The following ODAD2 variants were observed in gnomAD, a reference collection of about 807,000 sequenced individuals.
The protein encoded by ODAD2 is outer dynein arm-docking complex subunit 2.
ODAD2 carries 89 observed loss-of-function variants against 106.8 expected under a neutral mutation model. The ratio of observed to expected loss-of-function variants is 0.83; its 90% CI spans 0.70 to 0.99. The LOEUF (loss-of-function observed/expected upper bound fraction) is 0.99, where lower values mean the gene tolerates loss of function less well. ODAD2 is among the 50% of genes least tolerant of loss of function. ODAD2 has a pLI of 0.00. For missense variants in ODAD2, 1,168 were observed against 1,238.5 expected, an observed-to-expected ratio of 0.94 and a Z score of 0.85; for synonymous variants, 404 against 436.2, an observed-to-expected ratio of 0.93 and a Z score of 0.92.
At chr10:27,977,285 C>T (rs867622641) in intron 7 of ODAD2, among the ~76,000 whole-genome samples, 9 of 151,982 alleles carry the variant, frequency 5.9e-5, no homozygotes, top group South Asian at 2.1e-4. Context: ...CAAGACTCGG[C>T]CGGGCACGGT....
chr10:27,839,328 C>A (rs1433921243), intron 19 of ODAD2, among the ~76,000 whole-genome samples: 1 of 152,160 alleles, frequency 6.6e-6, no homozygotes, highest in Non-Finnish European at 1.5e-5. Context: ...CTTCACTCAA[C>A]TCAGGAAAGA....
chr10:27,927,209 G>C (rs921973963), intron 16 of ODAD2, among the ~76,000 whole-genome samples: 6 of 152,068 alleles, frequency 3.9e-5, no homozygotes, highest in Admixed American at 1.3e-4. Context: ...AACATATAAA[G>C]GAAGAGAGGT....
At chr10:27,912,466 T>A (rs193050414) in intron 16 of ODAD2, among the ~76,000 whole-genome samples, 39 of 152,266 alleles carry the variant, frequency 2.6e-4, no homozygotes, top group African/African-American at 8.2e-4. Flanking sequence ...AGGCTCTTGT[T>A]ATGTTAACAT....
intron 9 of ODAD2, among the ~76,000 whole-genome samples, chr10:27,966,028 C>G (rs1848466511): frequency 6.6e-6 from 1 of 152,146 alleles, no homozygotes; most frequent in South Asian, 2.1e-4. Flanking sequence ...CTGTTCTATT[C>G]CATTTTGGAG....
chr10:27,863,709 C>T (rs1172217574), intron 17 of ODAD2, among the ~76,000 whole-genome samples: 1 of 152,138 alleles, frequency 6.6e-6, no homozygotes, highest in Non-Finnish European at 1.5e-5. Context: ...TATAAAGGTT[C>T]AAGGGCTGAC....
At chr10:27,923,183 G>A (rs930271225) in intron 16 of ODAD2, among the ~76,000 whole-genome samples, 1 of 152,098 alleles carries the variant, frequency 6.6e-6, no homozygotes, top group South Asian at 2.1e-4. Context: ...ATGTGAATGC[G>A]TTTAACTCAT....
intron 17 of ODAD2, among the ~76,000 whole-genome samples, chr10:27,906,501 C>A (rs1346816694): frequency 6.6e-6 from 1 of 152,126 alleles, no homozygotes; most frequent in East Asian, 1.9e-4. Flanking sequence ...CCTGCCAATC[C>A]CATTATTGGG....
chr10:27,885,606 A>AT (rs1200797448), intron 17 of ODAD2, among the ~76,000 whole-genome samples: 2 of 71,854 alleles, frequency 2.8e-5, no homozygotes, highest in East Asian at 6.8e-4. Context: ...ATATATATAA[A>AT]ATATATATAA....
intron 7 of ODAD2, among the ~76,000 whole-genome samples, chr10:27,981,157 G>T (rs1849515868): frequency 6.6e-6 from 1 of 152,080 alleles, no homozygotes; most frequent in Non-Finnish European, 1.5e-5. Flanking sequence ...AGTTAACCAG[G>T]AAGTCAGGGA....
chr10:27,998,864 CGCGCCCTGCGGCCGCGCACGCCG>C (rs1343612381), intron 1 of ODAD2, 107 bp downstream of exon 1: 1 of 152,648 alleles, frequency 6.6e-6, no homozygotes, highest in Non-Finnish European at 1.5e-5. Flanking sequence ...GTCAACACTG[CGCGCCCTGCGGCCGCGCACGCCG>C]GCGCCCTTGT....
At chr10:27,878,709 T>C (rs962428756) in intron 17 of ODAD2, among the ~76,000 whole-genome samples, 2 of 152,108 alleles carry the variant, frequency 1.3e-5, no homozygotes, top group African/African-American at 2.4e-5. Context: ...AACGGGCAAA[T>C]CTTGTCGTCA....
rs61729354 is a variant in ODAD2 at position 27,984,254 on chromosome 10, A to T, written c.612T>A (p.Asp204Glu). 2,019 of 1,613,588 alleles carry T rather than the reference A, an allele frequency of 1.3e-3. 18 individuals are homozygous for T. In the African/African-American group the frequency reaches 0.02, roughly 16 times the overall value. The change falls in exon 5 of 20, where the codon GAT (aspartate) becomes GAA (glutamate). Residue 204 changes from aspartate to glutamate, a missense_variant. Asp to Glu is a conservative substitution (Grantham distance 45). Around this residue, in one of 3 missense-constraint regions of ODAD2, gnomAD observed 430 missense variants for 452.2 expected, o/e 0.95. Coordinates refer to ENST00000305242, the MANE Select transcript of ODAD2 (RefSeq NM_018076.5). ...CTGAGAAACGTTTGAGCAGTTCTAT[A>T]TCCTTCTTCACCGTCATGGGACTTA... is the stretch of plus-strand genomic sequence containing the variant. The part of the protein sequence containing the change: ...ISLSPMTVKK[D>E]IELLKRFSGK...
In ODAD2 at chr10:27,939,974, T is replaced by G. The variant is rs745483471; in HGVS notation, c.2020A>C (p.Ile674Leu). 6.2e-7 allele frequency: 1 copy of G among 1,611,034 alleles called. No individual in the cohort carries two copies. The change falls in exon 14 of 20, where the codon ATC becomes CTC. Residue 674 changes from isoleucine (I) to leucine (L), a missense_variant. Ile to Leu is a conservative substitution (Grantham distance 5). Transcript: ENST00000305242. ...AGGTTCTTGACAAGGTTTTCAATGA[T>G]CCTTTCTGCTTTGATTGCAGCCCGG... ...NYRAAIKAER[I>L]IENLVKNLNS...
In ODAD2 at chr10:27,885,555, TAAATATAA is replaced by T. The variant is rs1191571485; in HGVS notation, c.2610+22100_2610+22107del. Among the ~76,000 whole-genome samples, 7 of 13,870 alleles carry T rather than the reference TAAATATAA, an allele frequency of 5.0e-4. 1 individual carries two copies. The highest frequency in any genetic ancestry group is 1.4e-3 in the African/African-American group (5 of 3,638). The allele number at this position is 13,870 out of a possible 152,430, so 9.1% of individuals were successfully genotyped here. A position where few individuals can be genotyped will look rare whatever the true frequency, so the allele number is the denominator to read the frequency against. Reference sequence around the variant, plus strand: ...AAAAATATATATATATATAAATATATAAATATAAATATATATATATATAAATATATAAA... The same window carrying T: ...AAAAATATATATATATATAAATATATATATATATATATATAAATATATAAA... On this transcript the variant is annotated intron_variant, in intron 17 of 19. Coordinates refer to ENST00000305242, the MANE Select transcript of ODAD2 (RefSeq NM_018076.5).
chr10:27,935,680 G>A (rs1363774452), intron 15 of ODAD2, among the ~76,000 whole-genome samples: 5 of 147,994 alleles, frequency 3.4e-5, no homozygotes, highest in South Asian at 4.4e-4. Context: ...CTTGAAATGA[G>A]TAGTAGCTTG....
At chr10:27,934,009 A>G (rs1430603692) in intron 16 of ODAD2, among the ~76,000 whole-genome samples, 1 of 152,182 alleles carries the variant, frequency 6.6e-6, no homozygotes, top group East Asian at 1.9e-4. Flanking sequence ...TAATTGAATC[A>G]TGGGGGCAGG....
At chr10:27,888,203 G>A (rs1842355966) in intron 17 of ODAD2, among the ~76,000 whole-genome samples, 1 of 152,058 alleles carries the variant, frequency 6.6e-6, no homozygotes, top group Non-Finnish European at 1.5e-5. Context: ...AGATCAAATG[G>A]TAGTTCTATT....
chr10:27,975,650 C>T (rs1418819227), intron 7 of ODAD2, among the ~76,000 whole-genome samples: 3 of 152,078 alleles, frequency 2.0e-5, no homozygotes, highest in Non-Finnish European at 4.4e-5. Flanking sequence ...AAAATTTTTC[C>T]CATAAAGAAT....
In ODAD2 at chr10:27,944,540, T is replaced by A. The variant is rs3802517; in HGVS notation, c.1534-109A>T. On this transcript the variant is annotated intron_variant, in intron 11 of 19. Transcript: ENST00000305242. ...CCCAGTTAAGTTTTTTAAGAAATCA[T>A]TTCCATTCCCAGAGGTTACACACAT... The A allele has an allele frequency of 0.44, 443,555 of 1,000,340 alleles. 101,374 individuals carry two copies. Among genetic ancestry groups the A allele is most frequent in the Middle Eastern group, 0.56 (1,916 of 3,400 alleles). The allele number at this position is 1,000,340 out of a possible 1,614,324, so 62.0% of individuals were successfully genotyped here.
Sources: allele counts gnomAD v4.1 joint callset (sites outside exome capture counted in the v4.1 genomes callset), GRCh38; gene constraint gnomAD v4.1.1; regional missense constraint gnomAD v4.1.1; transcripts MANE v1.5; gene names NCBI Gene and HGNC (gene_info 2026-07-23, HGNC 2026-07-21).